The following ABRA variants were observed in gnomAD, a reference collection of about 807,000 sequenced individuals.
ABRA encodes actin-binding Rho-activating protein.
A neutral mutation model predicts 33.4 loss-of-function variants in ABRA; 25 were observed. The ratio of observed to expected loss-of-function variants is 0.75; its 90% confidence interval spans 0.55 to 1.04. The LOEUF (loss-of-function observed/expected upper bound fraction) is 1.04, where lower values mean the gene tolerates loss of function less well. Among genes scored for constraint, ABRA ranks in the 50% least tolerant of loss-of-function variants. The pLI is 0.00. For synonymous variants in ABRA, 193 were observed against 176.8 expected (o/e 1.09, Z -0.73); for missense variants, 501 against 491.7 (o/e 1.02, Z -0.18).
At chr8:106,767,899 A>C (rs1450656925) in intron 1 of ABRA, among the ~76,000 whole-genome samples, 1 of 152,180 alleles carries the variant, frequency 6.6e-6, no homozygotes, top group East Asian at 1.9e-4. Context: ...GTTCGAGACC[A>C]GCCTGGCTAA....
chr8:106,767,902 C>T (rs576110217), intron 1 of ABRA, among the ~76,000 whole-genome samples: 2 of 152,224 alleles, frequency 1.3e-5, no homozygotes, highest in South Asian at 4.1e-4. Context: ...CGAGACCAGC[C>T]TGGCTAACAT....
chr8:106,765,997 G>A (rs1030128234), intron 1 of ABRA, among the ~76,000 whole-genome samples: 24 of 151,998 alleles, frequency 1.6e-4, no homozygotes, highest in African/African-American at 5.3e-4. Context: ...TCCCTTCCTC[G>A]TTCTGTGACT....
chr8:106,766,391 A>T (rs538216673), intron 1 of ABRA, among the ~76,000 whole-genome samples: 17 of 152,268 alleles, frequency 1.1e-4, no homozygotes, highest in Non-Finnish European at 1.8e-4. Context: ...AACATCTGTG[A>T]TACATAATTG....
intron 1 of ABRA, 57 bp from the exon 2 acceptor site, chr8:106,761,571 T>A (rs1027951821): frequency 9.6e-6 from 14 of 1,453,304 alleles, no homozygotes; most frequent in Non-Finnish European, 1.3e-5. Context: ...CCGAGTGTTG[T>A]TTTCCCTTTG....
Position 106,769,753 on chromosome 8 carries a change from G to T in ABRA, c.438C>A (p.Asp146Glu). Reference protein sequence around the residue: ...GVLEPGQPENDIDRILHSHGS... With the variant: ...GVLEPGQPENEIDRILHSHGS... Reference sequence around the variant, plus strand: ...CGTGGCTGTGGAGGATTCTGTCAATGTCATTCTCTGGCTGCCCAGGTTCAA... The same window carrying T: ...CGTGGCTGTGGAGGATTCTGTCAATTTCATTCTCTGGCTGCCCAGGTTCAA... Residue 146 changes from aspartate to glutamate, a missense_variant, in exon 1 of 2, where the codon GAC becomes GAA. Physicochemically the swap from Asp to Glu is conservative, Grantham distance 45. Transcript: ENST00000311955. The T allele has an allele frequency of 6.2e-7, 1 of 1,614,174 alleles. No individual in the cohort carries two copies. The highest frequency in any genetic ancestry group is 8.5e-7 in the Non-Finnish European group (1 of 1,180,032).
At position 106,769,968 on chromosome 8, in the gene ABRA, C is replaced by G; in HGVS notation, c.223G>C (p.Ala75Pro). ...GGTGGCGACTTTGGGGCACTCTGAG[C>G]TTTCTGGTGTGAAGTAGGGGGTGTG... ...PITPPTSHQKAQSAPKSPPRL... is the reference protein window; with the variant it reads ...PITPPTSHQKPQSAPKSPPRL... The change falls in exon 1 of 2, where the codon GCT becomes CCT. Residue 75 changes from alanine to proline, a missense_variant. Transcript: ENST00000311955. 2 of 1,613,872 alleles carry G rather than the reference C, an allele frequency of 1.2e-6. No individual in the cohort carries two copies. Among genetic ancestry groups the G allele is most frequent in the East Asian group, 2.2e-5 (1 of 44,840 alleles).
At chr8:106,769,476 C>T in intron 1 of ABRA, 47 bp downstream of exon 1, 1 of 1,576,494 alleles carries the variant, frequency 6.3e-7, no homozygotes, top group Non-Finnish European at 8.6e-7. Context: ...TTGGTTGGGG[C>T]TCAATAGTGA....
At chr8:106,763,110 G>A (rs1836160376) in intron 1 of ABRA, among the ~76,000 whole-genome samples, 1 of 152,060 alleles carries the variant, frequency 6.6e-6, no homozygotes, top group South Asian at 2.1e-4. Flanking sequence ...AATCAGATTT[G>A]GGTATCCCTC....
chr8:106,768,598 T>G (rs1810542182), intron 1 of ABRA, among the ~76,000 whole-genome samples: 1 of 152,142 alleles, frequency 6.6e-6, no homozygotes, highest in South Asian at 2.1e-4. Flanking sequence ...CCCAAAAGCT[T>G]ACTGTTGCTG....
rs73702405 is a variant in ABRA, at chr8:106,768,994, C to G, written c.668+529G>C. ...GCAGAACTAGGATTTGAACTTGGGT[C>G]TGTCTGACTTCATTCAGAGCCTGCT... On this transcript the variant is annotated intron_variant, in intron 1 of 1. Coordinates refer to ENST00000311955, the MANE Select transcript of ABRA (RefSeq NM_139166.5). Among the ~76,000 whole-genome samples, 1,175 of 152,258 alleles carry G rather than the reference C, an allele frequency of 7.7e-3. 17 individuals carry two copies. The highest frequency in any genetic ancestry group is 0.026 in the African/African-American group (1,088 of 41,550).
At chr8:106,765,676 T>C (rs1001388905) in intron 1 of ABRA, among the ~76,000 whole-genome samples, 1 of 152,064 alleles carries the variant, frequency 6.6e-6, no homozygotes, top group African/African-American at 2.4e-5. Flanking sequence ...CTGTCTGTCA[T>C]TTTCAGCTTC....
At chr8:106,766,025 A>G (rs1836214762) in intron 1 of ABRA, among the ~76,000 whole-genome samples, 2 of 152,122 alleles carry the variant, frequency 1.3e-5, no homozygotes, top group African/African-American at 4.8e-5. Flanking sequence ...TATGTTTCTT[A>G]ATGTCTCTGT....
intron 1 of ABRA, 73 bp from the exon 2 acceptor site, chr8:106,761,587 C>G (rs1836142059): frequency 8.4e-7 from 1 of 1,195,902 alleles, no homozygotes; most frequent in East Asian, 2.4e-5. Flanking sequence ...CTTTGTACTT[C>G]CCACACATAT....
chr8:106,762,199 A>G (rs943741362), intron 1 of ABRA, among the ~76,000 whole-genome samples: 3 of 152,222 alleles, frequency 2.0e-5, no homozygotes, highest in Non-Finnish European at 4.4e-5. Flanking sequence ...AACTGAGGCC[A>G]GAGAGATGAA....
Position 106,769,830 on chromosome 8 carries a change from C to T in ABRA, c.361G>A (p.Gly121Arg), listed in dbSNP as rs201083489. 16 of 1,614,184 alleles carry T rather than the reference C, an allele frequency of 9.9e-6. No homozygotes were observed. The highest frequency in any genetic ancestry group is 1.4e-5 in the Non-Finnish European group (16 of 1,180,036). Residue 121 changes from glycine (G) to arginine (R), a missense_variant, in exon 1 of 2, where the codon GGA becomes AGA. Transcript: ENST00000311955. ...TGGCTGAGGTGGCTCACGTCCCCTCCTCTCTCATAAGTCTTGCTGACCACC... is the reference window on the plus strand; with the variant it reads ...TGGCTGAGGTGGCTCACGTCCCCTCTTCTCTCATAAGTCTTGCTGACCACC... ...KTVVSKTYER[G>R]GDVSHLSHRY...
At chr8:106,766,895 A>G (rs899046817) in intron 1 of ABRA, among the ~76,000 whole-genome samples, 1 of 152,206 alleles carries the variant, frequency 6.6e-6, no homozygotes, top group African/African-American at 2.4e-5. Flanking sequence ...CAGGATTACC[A>G]AAGTAACCAT....
intron 1 of ABRA, among the ~76,000 whole-genome samples, chr8:106,767,180 TTAAA>T (rs1836235338): frequency 6.6e-6 from 1 of 152,290 alleles, no homozygotes; most frequent in South Asian, 2.1e-4. Flanking sequence ...TATTGTGGGA[TTAAA>T]TAAATAAATA....
rs1395437147 is a variant in ABRA at position 106,759,987 on chromosome 8, G to A, written c.*1050C>T. The A allele has an allele frequency of 6.6e-6, 1 of 152,138 alleles. No homozygotes were observed. Among genetic ancestry groups the A allele is most frequent in the African/African-American group, 2.4e-5 (1 of 41,420 alleles). The allele number at this position is 152,138 out of a possible 1,614,324, so 9.4% of individuals were successfully genotyped here. On this transcript the variant is annotated 3_prime_UTR_variant, in exon 2 of 2. Coordinates refer to ENST00000311955, the MANE Select transcript of ABRA (RefSeq NM_139166.5). ...CATAAAGTTTTCTTTGTTACAGTAT[G>A]AGGAACATTAAACTGTCTCAAATCT...
chr8:106,762,061 A>G (rs1315464072), intron 1 of ABRA, among the ~76,000 whole-genome samples: 1 of 152,220 alleles, frequency 6.6e-6, no homozygotes, highest in African/African-American at 2.4e-5. Flanking sequence ...GTACAGATAG[A>G]AAACACTAGC....
Sources: gnomAD v4.1 joint callset for allele counts (sites outside exome capture counted in the v4.1 genomes callset) on GRCh38, gnomAD v4.1.1 for gene constraint, MANE v1.5 for transcripts, NCBI Gene and HGNC (gene_info 2026-07-23, HGNC 2026-07-21) for gene names.